SAMD5: variants seen among roughly 807,000 people sequenced by gnomAD.
SAMD5 encodes sterile alpha motif domain-containing protein 5.
In SAMD5, 13 loss-of-function variants were observed where a neutral mutation model predicts 11.3. The observed-to-expected ratio is 1.15, with a 90% confidence interval of 0.75 to 1.83. The LOEUF is 1.83. Ranked by LOEUF, SAMD5 falls within the 40% of genes most tolerant of loss-of-function variation. SAMD5 has a pLI of 0.00. For synonymous variants in SAMD5, 129 were observed against 111.3 expected (o/e 1.16, Z -1.00); for missense variants, 255 against 239.1 (o/e 1.07, Z -0.44).
intron 1 of SAMD5, among the ~76,000 whole-genome samples, chr6:147,663,148 G>C (rs962692849): frequency 1.3e-5 from 2 of 152,256 alleles, no homozygotes; most frequent in South Asian, 4.1e-4. Flanking sequence ...ATTAATAATA[G>C]TATTGCATTT....
At chr6:147,607,592 A>T (rs893114380) in intron 1 of SAMD5, among the ~76,000 whole-genome samples, 2 of 152,182 alleles carry the variant, frequency 1.3e-5, no homozygotes, top group Non-Finnish European at 2.9e-5. Flanking sequence ...ATCCATATGC[A>T]GAAGAATGAA....
chr6:147,541,703 C>T (rs536824699), intron 1 of SAMD5, among the ~76,000 whole-genome samples: 7 of 152,248 alleles, frequency 4.6e-5, no homozygotes, highest in Admixed American at 1.3e-4. Context: ...CACACAAAGA[C>T]GAGACAGACA....
At chr6:147,822,425 TA>T in the SAMD5 span, among the ~76,000 whole-genome samples, 1 of 152,188 alleles carries the variant, frequency 6.6e-6, no homozygotes, top group Non-Finnish European at 1.5e-5. Context: ...TAATATTTAT[TA>T]AAAAATACCA....
intron 1 of SAMD5, among the ~76,000 whole-genome samples, chr6:147,583,138 T>G (rs537770867): frequency 3.3e-5 from 5 of 152,372 alleles, no homozygotes; most frequent in African/African-American, 1.2e-4. Context: ...ACATAGACAT[T>G]TCATTCTGTG....
the SAMD5 span, among the ~76,000 whole-genome samples, chr6:147,878,036 C>A: frequency 1.9e-3 from 287 of 151,838 alleles, 3 homozygotes; most frequent in Non-Finnish European, 3.3e-3. Flanking sequence ...TGCAGCCTCC[C>A]AAAGTGCTAG....
the SAMD5 span, among the ~76,000 whole-genome samples, chr6:147,870,268 G>C: frequency 6.6e-6 from 1 of 152,038 alleles, no homozygotes; most frequent in South Asian, 2.1e-4. Context: ...CTAAATAGGT[G>C]CTCATTATAA....
chr6:147,907,764 C>G, the SAMD5 span, among the ~76,000 whole-genome samples: 1 of 152,084 alleles, frequency 6.6e-6, no homozygotes, highest in East Asian at 1.9e-4. Flanking sequence ...CAGATATTCC[C>G]AAGACAGCAG....
At chr6:147,835,589 G>C in the SAMD5 span, among the ~76,000 whole-genome samples, 1 of 152,036 alleles carries the variant, frequency 6.6e-6, no homozygotes, top group Admixed American at 6.6e-5. Flanking sequence ...GCACTTTCCT[G>C]CCATGCCATT....
chr6:147,644,168 C>A (rs1366617401), intron 1 of SAMD5, among the ~76,000 whole-genome samples: 2 of 152,080 alleles, frequency 1.3e-5, no homozygotes, highest in Non-Finnish European at 2.9e-5. Flanking sequence ...CTAGAAGTGT[C>A]TGCTCCTGAA....
At chr6:147,624,768 C>T (rs1049350369) in intron 1 of SAMD5, among the ~76,000 whole-genome samples, 5 of 151,826 alleles carry the variant, frequency 3.3e-5, no homozygotes, top group Admixed American at 6.6e-5. Flanking sequence ...AAATTGGGTT[C>T]GGTGTATACT....
At chr6:147,750,938 A>G in the SAMD5 span, among the ~76,000 whole-genome samples, 7 of 152,128 alleles carry the variant, frequency 4.6e-5, no homozygotes. Flanking sequence ...ACAAACAAAC[A>G]AACAAAACAC....
intron 1 of SAMD5, among the ~76,000 whole-genome samples, chr6:147,710,481 C>CT (rs1791382839): frequency 6.6e-6 from 1 of 152,156 alleles, no homozygotes; most frequent in Admixed American, 6.5e-5. Context: ...TGAATCGTGC[C>CT]TTTGTCCAGC....
At chr6:147,606,963 C>CAAAAAAAAAAAA (rs11377845) in intron 1 of SAMD5, among the ~76,000 whole-genome samples, 2 of 131,348 alleles carry the variant, frequency 1.5e-5, no homozygotes, top group Non-Finnish European at 3.2e-5. Context: ...CAGCTTTATC[C>CAAAAAAAAAAAA]AAAAAAAAAA....
At chr6:147,630,760 C>T (rs1310745571) in intron 1 of SAMD5, among the ~76,000 whole-genome samples, 4 of 152,270 alleles carry the variant, frequency 2.6e-5, no homozygotes, top group Middle Eastern at 3.4e-3. Context: ...AATTTGATGC[C>T]AAAACCCATG....
At chr6:147,836,584 T>A in the SAMD5 span, among the ~76,000 whole-genome samples, 1 of 152,200 alleles carries the variant, frequency 6.6e-6, no homozygotes, top group African/African-American at 2.4e-5. Context: ...TGTAATTGAT[T>A]GAATACTGTA....
intron 1 of SAMD5, among the ~76,000 whole-genome samples, chr6:147,623,150 C>T (rs1349347138): frequency 2.0e-5 from 3 of 152,212 alleles, no homozygotes; most frequent in Non-Finnish European, 2.9e-5. Flanking sequence ...AATTTGCTCT[C>T]TAGGATTGTG....
chr6:147,769,905 G>A, the SAMD5 span, among the ~76,000 whole-genome samples: 83 of 152,318 alleles, frequency 5.4e-4, no homozygotes, highest in African/African-American at 1.7e-3. Flanking sequence ...TTGAAATGGC[G>A]CAGAGTGTGC....
At chr6:147,591,152 A>G (rs984032462) in intron 1 of SAMD5, among the ~76,000 whole-genome samples, 183 of 16,360 alleles carry the variant, frequency 0.011, no homozygotes, top group Non-Finnish European at 0.018. Context: ...TTATGGGGGA[A>G]AAAAAAAAAC....
the SAMD5 span, among the ~76,000 whole-genome samples, chr6:147,898,563 T>C: frequency 6.6e-6 from 1 of 152,222 alleles, no homozygotes; most frequent in East Asian, 1.9e-4. Flanking sequence ...TTCTTTATCC[T>C]GTTAGAATAT....
Sources: gnomAD v4.1 joint callset for allele counts (sites outside exome capture counted in the v4.1 genomes callset) on GRCh38, gnomAD v4.1.1 for gene constraint, MANE v1.5 for transcripts, NCBI Gene and HGNC (gene_info 2026-07-23, HGNC 2026-07-21) for gene names.